Variants in PPP1R9A observed in about 807,000 individuals in gnomAD.
The protein encoded by PPP1R9A is neurabin-1.
PPP1R9A carries 59 observed loss-of-function variants against 141.9 expected under a neutral mutation model. The observed-to-expected ratio is 0.42, with a 90% CI of 0.34 to 0.52. The LOEUF is 0.52. Among genes scored for constraint, PPP1R9A ranks in the 20% least tolerant of loss-of-function variants. The probability of loss-of-function intolerance (pLI) is 0.10; values close to 1 mark genes in which losing one functional copy is unlikely to be tolerated. For missense variants in PPP1R9A, 1,444 were observed against 1,611.9 expected (o/e 0.90, Z 1.78); for synonymous variants, 500 against 569.7 (o/e 0.88, Z 1.74).
intron 2 of PPP1R9A, among the ~76,000 whole-genome samples, chr7:95,079,904 A>C (rs1416727230): frequency 6.6e-6 from 1 of 152,190 alleles, no homozygotes; most frequent in African/African-American, 2.4e-5. Context: ...TCATGCTAAA[A>C]ACTCAATAAA....
At chr7:95,035,216 T>G (rs1808273909) in intron 2 of PPP1R9A, among the ~76,000 whole-genome samples, 2 of 152,202 alleles carry the variant, frequency 1.3e-5, no homozygotes, top group South Asian at 4.1e-4. Flanking sequence ...AATCAAAGTT[T>G]AAGCCTGCTG....
intron 5 of PPP1R9A, among the ~76,000 whole-genome samples, chr7:95,197,645 T>TTTGTTG (rs58681960): frequency 3.3e-5 from 5 of 151,920 alleles, no homozygotes; most frequent in South Asian, 4.2e-4. Context: ...CGTCAAAATG[T>TTTGTTG]TTGTTGTTGT....
intron 8 of PPP1R9A, among the ~76,000 whole-genome samples, chr7:95,234,933 CAA>C (rs2152973520): frequency 6.6e-6 from 1 of 152,224 alleles, no homozygotes; most frequent in African/African-American, 2.4e-5. Context: ...ACATTACTAA[CAA>C]ATGGTGCTGG....
At position 95,290,217 on chromosome 7, in the gene PPP1R9A, A is replaced by G. The variant is rs540272819; in HGVS notation, c.4039A>G (p.Arg1347Gly). ...KMEKQREKLR[R>G]KEQEQMQRKS... is the part of the protein sequence containing the mutation. ...GGAAAAACAAAGAGAAAAGCTAAGG[A>G]GAAAGGAGCAAGAGCAAATGCAGAG... is the stretch of plus-strand genomic sequence containing the variant. Residue 1347 changes from arginine (R) to glycine (G), a missense_variant, in exon 20 of 20, where the codon AGA becomes GGA. Around this residue, in one of 5 missense-constraint regions of PPP1R9A, gnomAD observed 459 missense variants for 513.8 expected, o/e 0.89. Coordinates refer to ENST00000433360, the MANE Select transcript of PPP1R9A (RefSeq NM_001166160.2). 6.2e-6 allele frequency: 10 copies of G among 1,613,560 alleles called. No homozygotes were observed. The highest frequency in any genetic ancestry group is 4.4e-5 in the South Asian group (4 of 90,980).
chr7:95,114,849 C>T (rs541305878), intron 3 of PPP1R9A, among the ~76,000 whole-genome samples: 5 of 149,734 alleles, frequency 3.3e-5, no homozygotes, highest in Non-Finnish European at 7.4e-5. Flanking sequence ...TAACTCATAT[C>T]CCAAACCATC....
chr7:95,039,857 G>C (rs1489752143), intron 2 of PPP1R9A, among the ~76,000 whole-genome samples: 5 of 152,102 alleles, frequency 3.3e-5, no homozygotes, highest in Non-Finnish European at 7.4e-5. Context: ...AGTGATAATG[G>C]CTAACAACTT....
At chr7:95,221,583 G>A (rs1794464622) in intron 7 of PPP1R9A, among the ~76,000 whole-genome samples, 1 of 152,122 alleles carries the variant, frequency 6.6e-6, no homozygotes, top group African/African-American at 2.4e-5. Flanking sequence ...CTATAATTAT[G>A]TTATTTTATA....
chr7:95,071,667 A>T (rs1443844446), intron 2 of PPP1R9A, among the ~76,000 whole-genome samples: 1 of 152,002 alleles, frequency 6.6e-6, no homozygotes, highest in Non-Finnish European at 1.5e-5. Context: ...TTAAAAGAAA[A>T]TGTTTTATTA....
intron 2 of PPP1R9A, among the ~76,000 whole-genome samples, chr7:95,080,621 C>T (rs60998631): frequency 0.024 from 3,696 of 152,192 alleles, 163 homozygotes; most frequent in African/African-American, 0.085. Flanking sequence ...AAAAAGAGCC[C>T]GCATCGCCAA....
intron 2 of PPP1R9A, among the ~76,000 whole-genome samples, chr7:95,064,527 G>A (rs796148721): frequency 1.3e-5 from 2 of 152,256 alleles, no homozygotes; most frequent in African/African-American, 4.8e-5. Context: ...GTGAAGAAAG[G>A]ACATTTGCTT....
intron 2 of PPP1R9A, among the ~76,000 whole-genome samples, chr7:94,967,606 T>A (rs1798360646): frequency 6.6e-6 from 1 of 152,170 alleles, no homozygotes; most frequent in Non-Finnish European, 1.5e-5. Flanking sequence ...GGTTGTTCAG[T>A]TTCCATGTAG....
At chr7:94,931,347 C>T (rs1794134627) in intron 2 of PPP1R9A, among the ~76,000 whole-genome samples, 2 of 152,128 alleles carry the variant, frequency 1.3e-5, no homozygotes, top group Admixed American at 1.3e-4. Flanking sequence ...GACTTGACAG[C>T]TCATTGTAAA....
intron 12 of PPP1R9A, among the ~76,000 whole-genome samples, 162 bp downstream of exon 12, chr7:95,252,292 C>A (rs751125249): frequency 2.0e-5 from 3 of 151,972 alleles, no homozygotes; most frequent in Admixed American, 6.6e-5. Flanking sequence ...TAGCTCTCGT[C>A]TTATCAAAAA....
At chr7:94,944,338 T>G (rs539026610) in intron 2 of PPP1R9A, among the ~76,000 whole-genome samples, 25 of 152,206 alleles carry the variant, frequency 1.6e-4, no homozygotes, top group African/African-American at 5.8e-4. Context: ...CTATGATATT[T>G]ACATAAAATA....
At chr7:95,193,466 G>T (rs777880104) in intron 5 of PPP1R9A, among the ~76,000 whole-genome samples, 46 of 151,964 alleles carry the variant, frequency 3.0e-4, no homozygotes, top group Non-Finnish European at 5.7e-4. Context: ...CTGTGATTTT[G>T]AGCAACTGTG....
rs10214977 is a variant in PPP1R9A, at chr7:95,098,015, G to A, written c.1396-13244G>A. On this transcript the variant is annotated intron_variant, in intron 2 of 19. Coordinates refer to ENST00000433360, the MANE Select transcript of PPP1R9A (RefSeq NM_001166160.2). The stretch of plus-strand genomic sequence containing the variant: ...TGTCACAGGCAGAATTTCTTTTATC[G>A]TCAGGAAACTTCAGCTCTGCTCTTC... Among the ~76,000 whole-genome samples, 7 of 152,034 alleles carry A rather than the reference G, an allele frequency of 4.6e-5. No individual in the cohort carries two copies. The East Asian group carries it at 1.2e-3, about 25-fold the overall frequency.
At chr7:94,961,081 A>T (rs1300102207) in intron 2 of PPP1R9A, among the ~76,000 whole-genome samples, 1 of 151,552 alleles carries the variant, frequency 6.6e-6, no homozygotes, top group Non-Finnish European at 1.5e-5. Context: ...TTGAGTAGTG[A>T]TATGATGTAT....
intron 2 of PPP1R9A, among the ~76,000 whole-genome samples, chr7:95,084,891 G>A (rs1163616780): frequency 1.3e-5 from 2 of 151,882 alleles, no homozygotes; most frequent in African/African-American, 2.4e-5. Context: ...CCTTGTGCAC[G>A]TTTACATAGG....
chr7:95,143,839 T>C (rs894078665), intron 4 of PPP1R9A, among the ~76,000 whole-genome samples: 1 of 151,992 alleles, frequency 6.6e-6, no homozygotes, highest in Non-Finnish European at 1.5e-5. Flanking sequence ...AAATCGTCTT[T>C]TAATTTTTAA....
Sources: gnomAD v4.1 joint callset for allele counts (sites outside exome capture counted in the v4.1 genomes callset) on GRCh38, gnomAD v4.1.1 for gene constraint, gnomAD v4.1.1 regional missense constraint, MANE v1.5 for transcripts, NCBI Gene and HGNC (gene_info 2026-07-23, HGNC 2026-07-21) for gene names.